The following SUGCT variants were observed in gnomAD, a reference collection of about 807,000 sequenced individuals.
SUGCT encodes the protein succinyl-CoA:glutarate CoA-transferase.
SUGCT carries 41 observed loss-of-function variants against 55.0 expected under a neutral mutation model. The observed-to-expected ratio is 0.74, with a 90% confidence interval of 0.58 to 0.97. The LOEUF (loss-of-function observed/expected upper bound fraction) is 0.97, where lower values mean the gene tolerates loss of function less well. Among genes scored for constraint, SUGCT ranks in the 50% least tolerant of loss-of-function variants. The pLI is 0.00. For synonymous variants in SUGCT, 187 were observed against 200.4 expected (o/e 0.93, Z 0.56); for missense variants, 568 against 547.8 (o/e 1.04, Z -0.37).
chr7:40,459,020 A>C (rs1218256165), intron 10 of SUGCT, 81 bp from the exon 11 acceptor site: 2 of 822,538 alleles, frequency 2.4e-6, no homozygotes, highest in African/African-American at 1.7e-5. Flanking sequence ...GAAGGGAGAG[A>C]TAGGACCTGA....
chr7:40,699,069 G>T lies in SUGCT; in HGVS notation c.1090-50365G>T, dbSNP rs182726127. ...TGGGAGTCAGGGTTGGGAACAAGAGGTTACAGGGTGGGGGAGGCACAGAAT... is the reference window on the plus strand; with the variant it reads ...TGGGAGTCAGGGTTGGGAACAAGAGTTTACAGGGTGGGGGAGGCACAGAAT... On this transcript the variant is annotated intron_variant, in intron 12 of 13. Transcript: ENST00000335693. Among the ~76,000 whole-genome samples, 288 of 152,264 alleles carry T rather than the reference G, an allele frequency of 1.9e-3. 2 individuals are homozygous for T. Among genetic ancestry groups the T allele is most frequent in the Middle Eastern group, 6.8e-3 (2 of 294 alleles).
intron 6 of SUGCT, among the ~76,000 whole-genome samples, chr7:40,232,419 G>A (rs1331773287): frequency 6.6e-6 from 1 of 152,088 alleles, no homozygotes; most frequent in Admixed American, 6.6e-5. Context: ...GGTTCTAAGA[G>A]TATGAGCATG....
Position 40,549,225 on chromosome 7 carries a change from C to T in SUGCT, c.1089+52839C>T, listed in dbSNP as rs1795171091. Among the ~76,000 whole-genome samples, 3 of 152,226 alleles carry T rather than the reference C, an allele frequency of 2.0e-5. No homozygotes were observed. The South Asian group carries it at 6.2e-4, about 32-fold the overall frequency. ...TATAAGAGGCTTCATTATGTTTCTG[C>T]TCAATATAAAATTCTGTCTCTTTCA... On this transcript the variant is annotated intron_variant, in intron 12 of 13. Coordinates refer to ENST00000335693, the MANE Select transcript of SUGCT (RefSeq NM_001193313.2).
chr7:40,636,675 TG>T, intron 12 of SUGCT, among the ~76,000 whole-genome samples: 1 of 152,248 alleles, frequency 6.6e-6, no homozygotes, highest in Admixed American at 6.5e-5. Flanking sequence ...CTATTTGGGA[TG>T]ATGAAAAAGT....
At chr7:40,277,893 G>GTGT (rs751833723) in intron 8 of SUGCT, among the ~76,000 whole-genome samples, 3 of 151,750 alleles carry the variant, frequency 2.0e-5, no homozygotes, top group Non-Finnish European at 4.4e-5. Flanking sequence ...CTGTCTCCAT[G>GTGT]TGTTGTCATT....
intron 11 of SUGCT, among the ~76,000 whole-genome samples, chr7:40,460,119 G>A (rs1263660728): frequency 1.3e-5 from 2 of 152,134 alleles, no homozygotes; most frequent in East Asian, 3.8e-4. Context: ...AAATTCCGCT[G>A]TTTTTATTTT....
chr7:40,416,379 T>C (rs879917794), intron 9 of SUGCT, among the ~76,000 whole-genome samples: 1 of 151,812 alleles, frequency 6.6e-6, no homozygotes, highest in Non-Finnish European at 1.5e-5. Context: ...ATTTGAATAA[T>C]AGTGGTAATA....
chr7:40,873,176 G>A, the SUGCT span, among the ~76,000 whole-genome samples: 2 of 152,278 alleles, frequency 1.3e-5, no homozygotes, highest in Admixed American at 6.5e-5. Flanking sequence ...TTGCAATTCT[G>A]TCCAATTGTT....
At chr7:40,328,209 T>C (rs373280403) in intron 9 of SUGCT, among the ~76,000 whole-genome samples, 4 of 152,332 alleles carry the variant, frequency 2.6e-5, no homozygotes, top group East Asian at 1.9e-4. Flanking sequence ...GGATCCTTAA[T>C]TATGACTTAA....
rs566208229 is a variant in SUGCT at position 40,286,662 on chromosome 7, A to G, written c.720+12006A>G. Among the ~76,000 whole-genome samples, 8 of 152,324 alleles carry G rather than the reference A, an allele frequency of 5.3e-5. No individual in the cohort carries two copies. In the South Asian group the frequency reaches 1.7e-3, roughly 32 times the overall value. On this transcript the variant is annotated intron_variant, in intron 8 of 13. Coordinates refer to ENST00000335693, the MANE Select transcript of SUGCT (RefSeq NM_001193313.2). The stretch of plus-strand genomic sequence containing the variant: ...GCCTTTGCATTTATTGTTTGGTGTG[A>G]CTGACTGAAAGCCTTCTACTAGCAG...
At chr7:40,296,513 T>C (rs2151067276) in intron 8 of SUGCT, among the ~76,000 whole-genome samples, 1 of 152,262 alleles carries the variant, frequency 6.6e-6, no homozygotes, top group African/African-American at 2.4e-5. Flanking sequence ...TAGTTATTAG[T>C]AGGAGAATAT....
At chr7:40,897,010 A>C in the SUGCT span, among the ~76,000 whole-genome samples, 6 of 152,262 alleles carry the variant, frequency 3.9e-5, no homozygotes, top group African/African-American at 1.4e-4. Context: ...AAAAACAGAC[A>C]TATAAACCAG....
the SUGCT span, among the ~76,000 whole-genome samples, chr7:40,927,004 T>C: frequency 5.3e-5 from 8 of 152,328 alleles, no homozygotes; most frequent in Middle Eastern, 3.4e-3. Context: ...TATAACTGTT[T>C]AGACATTGCC....
chr7:40,859,499 T>C (rs576320215), intron 13 of SUGCT, among the ~76,000 whole-genome samples: 1 of 152,230 alleles, frequency 6.6e-6, no homozygotes, highest in Non-Finnish European at 1.5e-5. Flanking sequence ...TTAGAGGAAC[T>C]TTGTGCCCGG....
At chr7:40,883,085 C>A in the SUGCT span, among the ~76,000 whole-genome samples, 11 of 152,296 alleles carry the variant, frequency 7.2e-5, no homozygotes, top group African/African-American at 2.4e-4. Context: ...TGAGATTAAA[C>A]CAAGGCAATG....
At chr7:40,243,835 A>G (rs1789633047) in intron 7 of SUGCT, among the ~76,000 whole-genome samples, 3 of 152,218 alleles carry the variant, frequency 2.0e-5, no homozygotes, top group Admixed American at 2.0e-4. Flanking sequence ...GAATCTATTT[A>G]TGGCTTACAC....
intron 1 of SUGCT, among the ~76,000 whole-genome samples, chr7:40,170,708 G>T (rs1030567503): frequency 6.6e-6 from 1 of 151,916 alleles, no homozygotes; most frequent in African/African-American, 2.4e-5. Context: ...AAAGAAAGGG[G>T]TATGGGTTGC....
At chr7:40,630,460 A>G (rs1799737504) in intron 12 of SUGCT, among the ~76,000 whole-genome samples, 1 of 152,214 alleles carries the variant, frequency 6.6e-6, no homozygotes, top group African/African-American at 2.4e-5. Flanking sequence ...AACAGAAAGG[A>G]TAAGCAGAAA....
At chr7:40,513,783 AT>A (rs869065628) in intron 12 of SUGCT, among the ~76,000 whole-genome samples, 2,303 of 103,970 alleles carry the variant, frequency 0.022, 3 homozygotes, top group African/African-American at 0.037. Context: ...TCAGGGAAGT[AT>A]TTTTTTTTTT....
Sources: allele counts gnomAD v4.1 joint callset (sites outside exome capture counted in the v4.1 genomes callset), GRCh38; gene constraint gnomAD v4.1.1; transcripts MANE v1.5; gene names NCBI Gene and HGNC (gene_info 2026-07-23, HGNC 2026-07-21).